IL1RAPL2: variants seen among roughly 807,000 people sequenced by gnomAD.
IL1RAPL2 encodes the protein X-linked interleukin-1 receptor accessory protein-like 2.
A neutral mutation model predicts 44.1 loss-of-function variants in IL1RAPL2; 3 were observed. That is an observed-to-expected ratio of 0.07 (90% CI 0.03 to 0.18). The LOEUF is 0.18. IL1RAPL2 is among the 10% of genes least tolerant of loss of function. The probability of loss-of-function intolerance (pLI) is 1.00; values close to 1 mark genes in which losing one functional copy is unlikely to be tolerated. For synonymous variants in IL1RAPL2, 181 were observed against 178.8 expected (o/e 1.01, Z -0.10); for missense variants, 391 against 496.4 (o/e 0.79, Z 2.02).
chrX:105,538,032 C>CTTTTTTTT (rs1191360462), intron 6 of IL1RAPL2, among the ~76,000 whole-genome samples: 2 of 80,759 alleles, frequency 2.5e-5, no homozygotes, highest in Admixed American at 1.4e-4. Context: ...ATTTTCCCTT[C>CTTTTTTTT]TTTTTTTTTT....
chrX:105,376,148 A>G (rs1478832074), intron 5 of IL1RAPL2, among the ~76,000 whole-genome samples: 4 of 111,815 alleles, frequency 3.6e-5, no homozygotes, highest in East Asian at 5.7e-4. Flanking sequence ...GTCCTATGCT[A>G]CTGCTCAGAT....
At chrX:104,579,719 A>G (rs1928308217) in intron 1 of IL1RAPL2, among the ~76,000 whole-genome samples, 1 of 111,549 alleles carries the variant, frequency 9.0e-6, no homozygotes, top group Non-Finnish European at 1.9e-5. Flanking sequence ...TTACCTATAT[A>G]ACAAACATGC....
chrX:105,313,998 T>C (rs1307478238), intron 5 of IL1RAPL2, among the ~76,000 whole-genome samples: 1 of 111,994 alleles, frequency 8.9e-6, no homozygotes, highest in East Asian at 2.8e-4. Flanking sequence ...CAGATGTAGA[T>C]TTTAGCCCAA....
chrX:105,704,785 C>T (rs1405607936), intron 6 of IL1RAPL2, among the ~76,000 whole-genome samples: 1 of 110,586 alleles, frequency 9.0e-6, no homozygotes, highest in Non-Finnish European at 1.9e-5. Flanking sequence ...TCCCACCACC[C>T]CACCCACCAA....
At chrX:105,255,653 C>T (rs1305323537) in intron 4 of IL1RAPL2, among the ~76,000 whole-genome samples, 1 of 111,584 alleles carries the variant, frequency 9.0e-6, no homozygotes, top group Non-Finnish European at 1.9e-5. Flanking sequence ...ATTTCTTTAT[C>T]TTGCCTGATT....
intron 6 of IL1RAPL2, among the ~76,000 whole-genome samples, chrX:105,682,855 T>G (rs2037936991): frequency 8.9e-6 from 1 of 112,454 alleles, no homozygotes; most frequent in African/African-American, 3.2e-5. Context: ...GGTGAAAGCT[T>G]TATTTTATTT....
At chrX:104,918,284 C>A (rs1055076108) in intron 2 of IL1RAPL2, among the ~76,000 whole-genome samples, 1 of 111,407 alleles carries the variant, frequency 9.0e-6, no homozygotes, top group Non-Finnish European at 1.9e-5. Context: ...GGCTCTGTCT[C>A]ATGACCAGAG....
chrX:104,696,397 C>T (rs1602685379), intron 2 of IL1RAPL2, among the ~76,000 whole-genome samples: 1 of 111,993 alleles, frequency 8.9e-6, no homozygotes, highest in Non-Finnish European at 1.9e-5. Context: ...CACTTAGGAG[C>T]TTATTAGAAA....
intron 2 of IL1RAPL2, among the ~76,000 whole-genome samples, chrX:104,852,309 T>C (rs1922247795): frequency 1.8e-5 from 2 of 112,288 alleles, no homozygotes; most frequent in African/African-American, 6.5e-5. Context: ...ATAATTATCT[T>C]TGGCTACAAG....
At chrX:105,534,584 T>A (rs1407872787) in intron 6 of IL1RAPL2, among the ~76,000 whole-genome samples, 1 of 111,212 alleles carries the variant, frequency 9.0e-6, no homozygotes, top group African/African-American at 3.3e-5. Flanking sequence ...ATGGGAAGAA[T>A]CACGCTACTG....
Position 104,843,357 on chromosome X carries a change from C to A in IL1RAPL2, c.82+184362C>A, listed in dbSNP as rs934146535. Reference sequence around the variant, plus strand: ...TTGCTGGGCTCTGTGGGAGCGGGACCCACTGAGCAACACTGCTTGGCTCCC... The same window carrying A: ...TTGCTGGGCTCTGTGGGAGCGGGACACACTGAGCAACACTGCTTGGCTCCC... On this transcript the variant is annotated intron_variant, in intron 2 of 10. Coordinates refer to ENST00000372582, the MANE Select transcript of IL1RAPL2 (RefSeq NM_017416.2). Among the ~76,000 whole-genome samples the A allele has an allele frequency of 2.7e-5, 3 of 111,269 alleles. No homozygotes were observed. In the Admixed American group the frequency reaches 2.9e-4, roughly 11 times the overall value.
At chrX:105,105,261 T>C (rs1173087667) in intron 2 of IL1RAPL2, among the ~76,000 whole-genome samples, 1 of 112,144 alleles carries the variant, frequency 8.9e-6, no homozygotes, top group Non-Finnish European at 1.9e-5. Context: ...TGTCAGGCAG[T>C]GTGCTAGGTT....
At chrX:105,298,361 G>T (rs1171921190) in intron 5 of IL1RAPL2, among the ~76,000 whole-genome samples, 1 of 110,650 alleles carries the variant, frequency 9.0e-6, no homozygotes, top group Non-Finnish European at 1.9e-5. Flanking sequence ...AGGGAGAATG[G>T]ACAAGATTTG....
chrX:104,994,822 G>A lies in IL1RAPL2; in HGVS notation c.83-200653G>A, dbSNP rs1417923929. On this transcript the variant is annotated intron_variant, in intron 2 of 10. Transcript: ENST00000372582. ...TACTGTGAGCTCCTTGTGGGAAGAC[G>A]CAGAGTTTTTCATCTCTGTAATACC... is the stretch of plus-strand genomic sequence containing the variant. 3.6e-5 allele frequency among the ~76,000 whole-genome samples: 4 copies of A among 110,987 alleles called. No homozygotes were observed. The South Asian group carries it at 1.5e-3, about 42-fold the overall frequency.
chrX:105,054,498 C>A (rs2031968453), intron 2 of IL1RAPL2, among the ~76,000 whole-genome samples: 2 of 111,897 alleles, frequency 1.8e-5, no homozygotes, highest in Admixed American at 1.9e-4. Flanking sequence ...GTTGCCCAGG[C>A]TGGCCTTGAA....
chrX:104,683,290 G>A (rs1284845591), intron 2 of IL1RAPL2, among the ~76,000 whole-genome samples: 1 of 111,509 alleles, frequency 9.0e-6, no homozygotes, highest in Non-Finnish European at 1.9e-5. Flanking sequence ...TCTAGTCCTG[G>A]GAATATCACT....
rs189897929 is a variant in IL1RAPL2 at position 105,127,901 on chromosome X, A to T, written c.83-67574A>T. On this transcript the variant is annotated intron_variant, in intron 2 of 10. Transcript: ENST00000372582. The stretch of plus-strand genomic sequence containing the variant: ...GGTAAGCAAAAACTACAAATAGAAA[A>T]CAGCCAGAGTATACATACATATTCA... 8.4e-4 allele frequency among the ~76,000 whole-genome samples: 93 copies of T among 111,376 alleles called. 2 individuals are homozygous for T. Among genetic ancestry groups the T allele is most frequent in the Admixed American group, 7.4e-3 (78 of 10,492 alleles).
At chrX:105,106,577 T>C (rs1001207880) in intron 2 of IL1RAPL2, among the ~76,000 whole-genome samples, 1 of 111,429 alleles carries the variant, frequency 9.0e-6, no homozygotes, top group Non-Finnish European at 1.9e-5. Context: ...TTTAAGGTGC[T>C]GAAAGTACAA....
intron 3 of IL1RAPL2, among the ~76,000 whole-genome samples, chrX:105,227,865 A>G (rs1476433273): frequency 2.7e-5 from 3 of 112,481 alleles, no homozygotes; most frequent in Non-Finnish European, 5.6e-5. Flanking sequence ...GGTAAAATAT[A>G]CATATGTAAT....
Sources: allele counts gnomAD v4.1 joint callset (sites outside exome capture counted in the v4.1 genomes callset), GRCh38; gene constraint gnomAD v4.1.1; transcripts MANE v1.5; gene names NCBI Gene and HGNC (gene_info 2026-07-23, HGNC 2026-07-21).